The following SLAIN2 variants were observed in gnomAD, a reference collection of about 807,000 sequenced individuals.
SLAIN2 encodes SLAIN motif-containing protein 2.
In SLAIN2, 31 loss-of-function variants were observed where a neutral mutation model predicts 56.6. The ratio of observed to expected loss-of-function variants is 0.55; its 90% CI spans 0.41 to 0.74. SLAIN2 has a LOEUF of 0.74. Among genes scored for constraint, SLAIN2 ranks in the 30% least tolerant of loss-of-function variants. The pLI, the probability that SLAIN2 is intolerant of heterozygous loss-of-function variation, is 0.00. For synonymous variants in SLAIN2, 317 were observed against 284.9 expected, an observed-to-expected ratio of 1.11 and a Z score of -1.13; for missense variants, 777 against 754.2, an observed-to-expected ratio of 1.03 and a Z score of -0.35.
At position 48,341,582 on chromosome 4, in the gene SLAIN2, G is replaced by A; in HGVS notation, c.-158G>A. ...TTCGGCTGGGGCCAGCGGCGCTTTG[G>A]AACCCGAGGTGGGGGGACCCTGGCG... On this transcript the variant is annotated 5_prime_UTR_variant, in exon 1 of 8. Coordinates refer to ENST00000264313, the MANE Select transcript of SLAIN2 (RefSeq NM_020846.2). 1 of 1,192,098 alleles carries A rather than the reference G, an allele frequency of 8.4e-7. No homozygotes were observed. The highest frequency in any genetic ancestry group is 1.1e-6 in the Non-Finnish European group (1 of 906,886). 73.8% of individuals were successfully genotyped at this position (1,192,098 alleles called of 1,614,324 possible). A position where few individuals can be genotyped will look rare whatever the true frequency, so the allele number is the denominator to read the frequency against.
intron 1 of SLAIN2, among the ~76,000 whole-genome samples, chr4:48,354,184 G>A (rs1489948370): frequency 6.6e-6 from 1 of 152,116 alleles, no homozygotes; most frequent in Admixed American, 6.5e-5. Flanking sequence ...GTAGGAACAA[G>A]TATTTAGTTG....
Position 48,420,280 on chromosome 4 carries a change from G to A in SLAIN2, c.1516G>A (p.Val506Ile). Residue 506 changes from valine (V) to isoleucine (I), a missense_variant, in exon 7 of 8, where the codon GTT becomes ATT. By Grantham distance (29) the Val-to-Ile change is conservative. Coordinates refer to ENST00000264313, the MANE Select transcript of SLAIN2 (RefSeq NM_020846.2). ...CACCTCCTCACCTGGGCCTCCTATG[G>A]TTCAGAGCACAGTCTCAGCAAATCC... ...QTTSSPGPPM[V>I]QSTVSANPPS... The A allele has an allele frequency of 6.2e-7, 1 of 1,613,878 alleles. No homozygotes were observed. Among genetic ancestry groups the A allele is most frequent in the Non-Finnish European group, 8.5e-7 (1 of 1,179,862 alleles).
intron 6 of SLAIN2, among the ~76,000 whole-genome samples, chr4:48,409,985 A>G (rs554082079): frequency 3.7e-4 from 57 of 152,288 alleles, no homozygotes; most frequent in Admixed American, 3.2e-3. Flanking sequence ...TAATTACTGG[A>G]TCATATGGTA....
chr4:48,386,467 T>TATAA (rs1716103488), intron 6 of SLAIN2, among the ~76,000 whole-genome samples: 1 of 152,240 alleles, frequency 6.6e-6, no homozygotes, highest in African/African-American at 2.4e-5. Context: ...TAGACCATGA[T>TATAA]ATAAAACTTA....
In SLAIN2 at chr4:48,382,870, C is replaced by T. The variant is rs753381883; in HGVS notation, c.1165C>T (p.Arg389Cys). 11 of 1,613,262 alleles carry T rather than the reference C, an allele frequency of 6.8e-6. No homozygotes were observed. The highest frequency in any genetic ancestry group is 4.0e-5 in the African/African-American group (3 of 74,842). The change falls in exon 5 of 8, where the codon CGC becomes TGC. Residue 389 changes from arginine (R) to cysteine (C), a missense_variant. By Grantham distance (180) the Arg-to-Cys change is radical. Coordinates refer to ENST00000264313, the MANE Select transcript of SLAIN2 (RefSeq NM_020846.2). ...TATGATTAGCCGCTTACAGCAACCT[C>T]GCCTTTCACTTCAAGGCCATCCCAC... ...QPMISRLQQPRLSLQGHPTDL... is the reference protein window; with the variant it reads ...QPMISRLQQPCLSLQGHPTDL...
intron 4 of SLAIN2, 45 bp from the exon 5 acceptor site, chr4:48,382,523 A>G (rs769079278): frequency 2.1e-6 from 3 of 1,405,598 alleles, no homozygotes; most frequent in South Asian, 1.8e-5. Flanking sequence ...AATTATTTAA[A>G]TGTTTAAAAA....
chr4:48,384,039 A>G (rs904417006), intron 6 of SLAIN2, among the ~76,000 whole-genome samples: 9 of 152,222 alleles, frequency 5.9e-5, no homozygotes, highest in Non-Finnish European at 1.3e-4. Flanking sequence ...GAATTTTAAA[A>G]TAAGCAAAAT....
intron 1 of SLAIN2, among the ~76,000 whole-genome samples, chr4:48,354,687 A>C (rs955038076): frequency 2.6e-5 from 4 of 151,896 alleles, no homozygotes; most frequent in African/African-American, 4.8e-5. Flanking sequence ...GGCTGGTCTC[A>C]TCCGGACCTC....
At chr4:48,364,867 C>T (rs1349198395) in intron 1 of SLAIN2, among the ~76,000 whole-genome samples, 3 of 56,902 alleles carry the variant, frequency 5.3e-5, no homozygotes, top group South Asian at 6.7e-4. Context: ...GAGACGGAGA[C>T]GGGAGAGGGA....
chr4:48,367,411 T>A (rs1715549170), intron 1 of SLAIN2, among the ~76,000 whole-genome samples: 1 of 152,200 alleles, frequency 6.6e-6, no homozygotes, highest in South Asian at 2.1e-4. Flanking sequence ...TGCTTTAATC[T>A]GCTAATGGAA....
chr4:48,357,809 C>T (rs1715201051), intron 1 of SLAIN2, among the ~76,000 whole-genome samples: 1 of 152,154 alleles, frequency 6.6e-6, no homozygotes, highest in Admixed American at 6.5e-5. Context: ...CCCGACTTGG[C>T]CTTCCAAAGT....
chr4:48,417,619 G>A (rs1229256423), intron 6 of SLAIN2, among the ~76,000 whole-genome samples: 15 of 126,604 alleles, frequency 1.2e-4, no homozygotes, highest in African/African-American at 2.7e-4. Flanking sequence ...CTGGCAAACC[G>A]AATCCAGCAG....
At chr4:48,411,099 A>AGTGT (rs887919770) in intron 6 of SLAIN2, among the ~76,000 whole-genome samples, 1 of 151,610 alleles carries the variant, frequency 6.6e-6, no homozygotes, top group Admixed American at 6.6e-5. Flanking sequence ...TTAACTAGTG[A>AGTGT]GTGTGTGTGT....
intron 1 of SLAIN2, among the ~76,000 whole-genome samples, chr4:48,343,892 G>A (rs1028558648): frequency 6.6e-6 from 1 of 152,200 alleles, no homozygotes; most frequent in African/African-American, 2.4e-5. Context: ...GGGTATGTAT[G>A]CACTTTAAAA....
chr4:48,424,837 T>A lies in SLAIN2; in HGVS notation c.*2760T>A, dbSNP rs1717259157. Reference sequence around the variant, plus strand: ...CCCAGATGTTTGTATAACTCTAGAATGATCTAGACTATGTATGTTTAAATT... The same window carrying A: ...CCCAGATGTTTGTATAACTCTAGAAAGATCTAGACTATGTATGTTTAAATT... On this transcript the variant is annotated 3_prime_UTR_variant, in exon 8 of 8. Transcript: ENST00000264313. 1 of 152,122 alleles carries A rather than the reference T, an allele frequency of 6.6e-6. No homozygotes were observed. Among genetic ancestry groups the A allele is most frequent in the Non-Finnish European group, 1.5e-5 (1 of 67,992 alleles). 9.4% of individuals were successfully genotyped at this position (152,122 alleles called of 1,614,324 possible).
At chr4:48,365,155 A>C (rs1396884358) in intron 1 of SLAIN2, among the ~76,000 whole-genome samples, 2 of 151,866 alleles carry the variant, frequency 1.3e-5, no homozygotes, top group Non-Finnish European at 2.9e-5. Flanking sequence ...TCACTTAAAA[A>C]TTTATCCTTT....
chr4:48,372,500 A>G (rs898515677), intron 2 of SLAIN2, among the ~76,000 whole-genome samples: 13 of 152,320 alleles, frequency 8.5e-5, no homozygotes, highest in Admixed American at 4.6e-4. Context: ...TTTGGCCTGA[A>G]GGCTATATTT....
At chr4:48,379,092 G>A (rs1234065929) in intron 3 of SLAIN2, among the ~76,000 whole-genome samples, 1 of 152,002 alleles carries the variant, frequency 6.6e-6, no homozygotes, top group Non-Finnish European at 1.5e-5. Flanking sequence ...AGACTTTTTT[G>A]GATGTGTGTA....
chr4:48,344,396 A>T (rs1195715999), intron 1 of SLAIN2, among the ~76,000 whole-genome samples: 1 of 152,134 alleles, frequency 6.6e-6, no homozygotes, highest in African/African-American at 2.4e-5. Flanking sequence ...CTTCCTTTTC[A>T]TCTAGAGGAA....
Sources: allele counts gnomAD v4.1 joint callset (sites outside exome capture counted in the v4.1 genomes callset), GRCh38; gene constraint gnomAD v4.1.1; transcripts MANE v1.5; gene names NCBI Gene and HGNC (gene_info 2026-07-23, HGNC 2026-07-21).